The following TMEM132C variants were observed in gnomAD, a reference collection of about 807,000 sequenced individuals.
The protein encoded by TMEM132C is transmembrane protein 132C.
A neutral mutation model predicts 61.4 loss-of-function variants in TMEM132C; 29 were observed. The observed-to-expected ratio is 0.47, with a 90% CI of 0.35 to 0.64. The LOEUF (loss-of-function observed/expected upper bound fraction) is 0.64, where lower values mean the gene tolerates loss of function less well. TMEM132C is among the 30% of genes least tolerant of loss of function. The pLI is 0.00. For synonymous variants in TMEM132C, 656 were observed against 633.1 expected (o/e 1.04, Z -0.54); for missense variants, 1,408 against 1,476.9 (o/e 0.95, Z 0.76).
chr12:128,558,406 T>A (rs1199499520), intron 3 of TMEM132C, among the ~76,000 whole-genome samples: 1 of 152,158 alleles, frequency 6.6e-6, no homozygotes, highest in Non-Finnish European at 1.5e-5. Flanking sequence ...TCTCATGAGA[T>A]CTGATTGTTG....
At chr12:128,361,339 C>G (rs944467893) in intron 1 of TMEM132C, among the ~76,000 whole-genome samples, 3 of 152,126 alleles carry the variant, frequency 2.0e-5, no homozygotes, top group African/African-American at 7.2e-5. Context: ...GCTCTGAGGA[C>G]TTGTGTGCAG....
At chr12:128,548,235 G>A (rs1174175319) in intron 3 of TMEM132C, among the ~76,000 whole-genome samples, 5 of 152,184 alleles carry the variant, frequency 3.3e-5, no homozygotes, top group Non-Finnish European at 7.3e-5. Context: ...GTGAGAGACT[G>A]CCTCCACGTG....
At chr12:128,495,708 T>A (rs889875746) in intron 2 of TMEM132C, among the ~76,000 whole-genome samples, 1 of 152,318 alleles carries the variant, frequency 6.6e-6, no homozygotes, top group South Asian at 2.1e-4. Flanking sequence ...CCTCCCTTTA[T>A]TTTGAGCCTA....
chr12:128,269,984 G>T (rs185373216), intron 1 of TMEM132C, among the ~76,000 whole-genome samples: 3 of 152,334 alleles, frequency 2.0e-5, no homozygotes, highest in East Asian at 1.9e-4. Context: ...AGGCAGAATT[G>T]TTCTTGGGAG....
At chr12:128,268,117 G>T (rs1226060706) in intron 1 of TMEM132C, among the ~76,000 whole-genome samples, 1 of 152,182 alleles carries the variant, frequency 6.6e-6, no homozygotes, top group Non-Finnish European at 1.5e-5. Context: ...CCTTTGCGGT[G>T]GGGGAGCGCG....
chr12:128,479,730 C>G lies in TMEM132C; in HGVS notation c.974+64110C>G, dbSNP rs371546499. On this transcript the variant is annotated intron_variant, in intron 2 of 8. Transcript: ENST00000435159. ...CCCCCAGCCAAGGTGGACCCGGGCC[C>G]CAGCTCTGCTGCTTATTTGCAATGT... 3.1e-3 allele frequency among the ~76,000 whole-genome samples: 471 copies of G among 152,278 alleles called. 4 individuals are homozygous for G. The highest frequency in any genetic ancestry group is 0.011 in the African/African-American group (447 of 41,556).
intron 5 of TMEM132C, among the ~76,000 whole-genome samples, chr12:128,692,565 AG>A (rs1311960103): frequency 6.6e-6 from 1 of 152,182 alleles, no homozygotes; most frequent in Non-Finnish European, 1.5e-5. Context: ...TCTAATTTCC[AG>A]GGGATTTAAC....
intron 1 of TMEM132C, among the ~76,000 whole-genome samples, chr12:128,337,833 A>G (rs1872830800): frequency 6.6e-6 from 1 of 152,158 alleles, no homozygotes; most frequent in Non-Finnish European, 1.5e-5. Context: ...CTGTCCGCTT[A>G]ATTCCTTCCT....
chr12:128,435,275 C>T (rs1160403730), intron 2 of TMEM132C, among the ~76,000 whole-genome samples: 1 of 152,186 alleles, frequency 6.6e-6, no homozygotes, highest in African/African-American at 2.4e-5. Flanking sequence ...GAAACTAGTG[C>T]ACCAGGTGCT....
At chr12:128,408,643 C>T (rs932838304) in intron 1 of TMEM132C, among the ~76,000 whole-genome samples, 1 of 152,180 alleles carries the variant, frequency 6.6e-6, no homozygotes, top group African/African-American at 2.4e-5. Context: ...TGTCATACCT[C>T]GGCAGGGCCT....
rs113109118 is a variant in TMEM132C, at chr12:128,695,788, T to C, written c.1656-42T>C. On this transcript the variant is annotated intron_variant, in intron 6 of 8. Coordinates refer to ENST00000435159, the MANE Select transcript of TMEM132C (RefSeq NM_001136103.3). The stretch of plus-strand genomic sequence containing the variant: ...TGCCTGTCTCAAGAACGTCTTAGAC[T>C]CCTCTCCCTGGATCTGAGAGCTCTT... 133 of 1,496,642 alleles carry C rather than the reference T, an allele frequency of 8.9e-5. No homozygotes were observed. In the African/African-American group the frequency reaches 1.5e-3, roughly 17 times the overall value. The allele number at this position is 1,496,642 out of a possible 1,614,324, so 92.7% of individuals were successfully genotyped here.
At chr12:128,371,842 G>A (rs754628038) in intron 1 of TMEM132C, among the ~76,000 whole-genome samples, 6 of 152,162 alleles carry the variant, frequency 3.9e-5, no homozygotes, top group Non-Finnish European at 5.9e-5. Context: ...GCCTCCCAAA[G>A]CACCAGGATT....
chr12:128,496,258 A>C (rs1039386979), intron 2 of TMEM132C, among the ~76,000 whole-genome samples: 17 of 152,118 alleles, frequency 1.1e-4, no homozygotes, highest in African/African-American at 2.2e-4. Flanking sequence ...CTTTGGCTGC[A>C]CTTAACATTT....
At chr12:128,455,210 C>T (rs1388461200) in intron 2 of TMEM132C, among the ~76,000 whole-genome samples, 1 of 152,184 alleles carries the variant, frequency 6.6e-6, no homozygotes, top group Non-Finnish European at 1.5e-5. Context: ...CAGCTTGAAG[C>T]AAAGAGCTGC....
chr12:128,550,519 G>T (rs1029586794), intron 3 of TMEM132C, among the ~76,000 whole-genome samples: 1 of 152,092 alleles, frequency 6.6e-6, no homozygotes, highest in Admixed American at 6.5e-5. Flanking sequence ...TGCCCAGGAT[G>T]GGTTCAAACT....
At chr12:128,679,651 A>C (rs1225444872) in intron 5 of TMEM132C, among the ~76,000 whole-genome samples, 2 of 152,164 alleles carry the variant, frequency 1.3e-5, no homozygotes, top group Non-Finnish European at 2.9e-5. Context: ...CCTTTCATCA[A>C]AGCTATGATT....
intron 2 of TMEM132C, among the ~76,000 whole-genome samples, chr12:128,435,853 A>C (rs1450909931): frequency 1.3e-5 from 2 of 152,194 alleles, no homozygotes; most frequent in Admixed American, 6.5e-5. Context: ...AATCCTAAGC[A>C]AAAAGAACAA....
intron 4 of TMEM132C, 130 bp downstream of exon 4, chr12:128,616,465 T>A: frequency 1.0e-6 from 1 of 983,914 alleles, no homozygotes; most frequent in Non-Finnish European, 1.4e-6. Flanking sequence ...TTCTCGTCTT[T>A]CCTCACCCTG....
intron 2 of TMEM132C, among the ~76,000 whole-genome samples, chr12:128,498,294 A>C (rs147759186): frequency 1.3e-4 from 20 of 152,266 alleles, no homozygotes; most frequent in African/African-American, 4.6e-4. Flanking sequence ...AACATCAGGC[A>C]GGAAAAAGAA....
Sources: gnomAD v4.1 joint callset for allele counts (sites outside exome capture counted in the v4.1 genomes callset) on GRCh38, gnomAD v4.1.1 for gene constraint, MANE v1.5 for transcripts, NCBI Gene and HGNC (gene_info 2026-07-23, HGNC 2026-07-21) for gene names.